LIMCH1: variants seen among roughly 807,000 people sequenced by gnomAD.
LIMCH1 encodes LIM and calponin homology domains 1, also known as LIM and calponin homology domains-containing protein 1.
Under a neutral mutation model 176.5 loss-of-function variants are expected in LIMCH1, and 113 were observed. The ratio of observed to expected loss-of-function variants is 0.64; its 90% confidence interval spans 0.55 to 0.75. The LOEUF (loss-of-function observed/expected upper bound fraction) is 0.75. Among genes scored for constraint, LIMCH1 ranks in the 30% least tolerant of loss-of-function variants. LIMCH1 has a pLI of 0.00. For missense variants in LIMCH1, 1,674 were observed against 1,814.9 expected (o/e 0.92, Z 1.41); for synonymous variants, 619 against 645.9 (o/e 0.96, Z 0.63).
At chr4:41,424,454 A>G (rs2060895617) in intron 1 of LIMCH1, among the ~76,000 whole-genome samples, 2 of 152,202 alleles carry the variant, frequency 1.3e-5, no homozygotes, top group African/African-American at 4.8e-5. Flanking sequence ...GTGGACCCTT[A>G]TCTGAAACTC....
chr4:41,364,204 T>A (rs2052610343), intron 1 of LIMCH1, among the ~76,000 whole-genome samples: 1 of 152,212 alleles, frequency 6.6e-6, no homozygotes, highest in African/African-American at 2.4e-5. Flanking sequence ...ATAGGAGTGC[T>A]GTCAGGATTA....
At chr4:41,454,135 C>T (rs753438642) in intron 1 of LIMCH1, among the ~76,000 whole-genome samples, 4 of 152,068 alleles carry the variant, frequency 2.6e-5, no homozygotes, top group East Asian at 1.9e-4. Flanking sequence ...CATTCTCTCC[C>T]GTAAGTGCCT....
chr4:41,554,457 A>C (rs548857087), intron 1 of LIMCH1, among the ~76,000 whole-genome samples: 1 of 152,276 alleles, frequency 6.6e-6, no homozygotes, highest in East Asian at 1.9e-4. Flanking sequence ...TCATTTTGTC[A>C]GTATTTCTTC....
At position 41,626,742 on chromosome 4, in the gene LIMCH1, C is replaced by T. The variant is rs990601885; in HGVS notation, c.760C>T (p.Arg254Cys). The change falls in exon 8 of 32, where the codon CGT becomes TGT. Residue 254 changes from arginine to cysteine, a missense_variant. Arg to Cys is a radical substitution (Grantham distance 180, BLOSUM62 -3). Coordinates refer to ENST00000503057, the MANE Select transcript of LIMCH1 (RefSeq NM_001330672.2). ...KQLSEEKEAI[R>C]DIVLRKENSF... ...ATTAAGTGAAGAGAAAGAAGCTATT[C>T]GTGATATTGTCCTTCGCAAAGAAAA... The T allele has an allele frequency of 1.3e-5, 20 of 1,536,120 alleles. No homozygotes were observed. The African/African-American group carries it at 1.6e-4, about 13-fold the overall frequency.
At chr4:41,404,041 A>G (rs1473189519) in intron 1 of LIMCH1, among the ~76,000 whole-genome samples, 1 of 152,210 alleles carries the variant, frequency 6.6e-6, no homozygotes, top group Admixed American at 6.5e-5. Context: ...TTATATGCAT[A>G]ATAGTGCATG....
At chr4:41,663,910 G>C (rs2094724856) in intron 20 of LIMCH1, among the ~76,000 whole-genome samples, 1 of 150,586 alleles carries the variant, frequency 6.6e-6, no homozygotes, top group Non-Finnish European at 1.5e-5. Context: ...GCATGGTGGT[G>C]AGTGCCTGTA....
At chr4:41,517,669 G>T (rs563824029) in intron 2 of LIMCH1, among the ~76,000 whole-genome samples, 1 of 151,908 alleles carries the variant, frequency 6.6e-6, no homozygotes, top group Non-Finnish European at 1.5e-5. Flanking sequence ...TATTTTAGTC[G>T]ATTTTTCTTG....
chr4:41,484,363 G>A (rs1182871228), intron 1 of LIMCH1, among the ~76,000 whole-genome samples: 3 of 152,156 alleles, frequency 2.0e-5, no homozygotes, highest in Admixed American at 2.0e-4. Context: ...GTAAATGATC[G>A]ATTGGTTGAT....
chr4:41,411,935 C>T lies in LIMCH1; in HGVS notation c.96+50999C>T, dbSNP rs534905727. Among the ~76,000 whole-genome samples, 13 of 111,408 alleles carry T rather than the reference C, an allele frequency of 1.2e-4. 2 individuals are homozygous for T. The highest frequency in any genetic ancestry group is 2.4e-4 in the African/African-American group (7 of 28,620). 73.1% of individuals were successfully genotyped at this position (111,408 alleles called of 152,430 possible). A position where few individuals can be genotyped will look rare whatever the true frequency, so the allele number is the denominator to read the frequency against. On this transcript the variant is annotated intron_variant, in intron 1 of 26. Transcript: ENST00000313860. ...TCTCTGCACTGCACTACAGCCTAGG[C>T]GACAGAGCGAGACTCCATCTCAAAA...
At chr4:41,644,408 G>A (rs2093968960) in intron 14 of LIMCH1, 92 bp from the exon 15 acceptor site, 1 of 1,391,092 alleles carries the variant, frequency 7.2e-7, no homozygotes, top group Non-Finnish European at 9.4e-7. Flanking sequence ...TCCAAGCCCG[G>A]TAGCGCCCCC....
At chr4:41,668,326 C>G (rs2094902706) in intron 21 of LIMCH1, among the ~76,000 whole-genome samples, 1 of 152,208 alleles carries the variant, frequency 6.6e-6, no homozygotes, top group African/African-American at 2.4e-5. Flanking sequence ...TTAAATTTGT[C>G]CGTCCTACTG....
chr4:41,662,879 A>G lies in LIMCH1; in HGVS notation c.3186A>G (p.Glu1062=). 6.2e-7 allele frequency: 1 copy of G among 1,614,052 alleles called. No individual in the cohort carries two copies. Among genetic ancestry groups the G allele is most frequent in the Non-Finnish European group, 8.5e-7 (1 of 1,179,982 alleles). ...GCAGCCCGACCGTGGCCTTTGTGGA[A>G]TTTCCCTCCAGCCCCCAGCTGAAGA... ...TRCSPTVAFV[E]FPSSPQLKND... is the part of the protein sequence containing the mutation. The change falls in exon 20 of 32, where the codon GAA becomes GAG. Residue 1062 remains glutamate, a synonymous_variant. Coordinates refer to ENST00000503057, the MANE Select transcript of LIMCH1 (RefSeq NM_001330672.2).
intron 4 of LIMCH1, among the ~76,000 whole-genome samples, chr4:41,610,588 A>T (rs1445151779): frequency 6.6e-6 from 1 of 152,168 alleles, no homozygotes; most frequent in Non-Finnish European, 1.5e-5. Context: ...TGTAACAGGC[A>T]TTTTTCTGAA....
chr4:41,451,489 C>T (rs1010046323), intron 1 of LIMCH1, among the ~76,000 whole-genome samples: 1 of 152,120 alleles, frequency 6.6e-6, no homozygotes, highest in African/African-American at 2.4e-5. Flanking sequence ...ACAGATCCCC[C>T]GTCCTGCTAT....
intron 1 of LIMCH1, among the ~76,000 whole-genome samples, chr4:41,396,923 G>A (rs1176000636): frequency 6.6e-6 from 1 of 151,926 alleles, no homozygotes; most frequent in Non-Finnish European, 1.5e-5. Context: ...TAAATAAAAA[G>A]TCAGCAAGCT....
intron 14 of LIMCH1, among the ~76,000 whole-genome samples, chr4:41,639,607 C>T (rs2093736509): frequency 6.6e-6 from 1 of 152,142 alleles, no homozygotes; most frequent in Non-Finnish European, 1.5e-5. Flanking sequence ...TACTCCACAT[C>T]CAAATTTGAG....
chr4:41,645,706 G>C (rs1462391195), intron 15 of LIMCH1, among the ~76,000 whole-genome samples: 1 of 152,024 alleles, frequency 6.6e-6, no homozygotes, highest in Non-Finnish European at 1.5e-5. Context: ...TTTCTGCCTT[G>C]ACTGCCTTCC....
chr4:41,577,621 G>T (rs544654600), intron 1 of LIMCH1, among the ~76,000 whole-genome samples: 1 of 152,042 alleles, frequency 6.6e-6, no homozygotes, highest in Admixed American at 6.6e-5. Flanking sequence ...GTAGAGATGG[G>T]GTCACCCTAT....
At chr4:41,454,373 A>G (rs2064269336) in intron 1 of LIMCH1, among the ~76,000 whole-genome samples, 1 of 152,060 alleles carries the variant, frequency 6.6e-6, no homozygotes, top group Admixed American at 6.6e-5. Flanking sequence ...TTCCACTTGC[A>G]CTCTGAAAAA....
Sources: gnomAD v4.1 joint callset for allele counts (sites outside exome capture counted in the v4.1 genomes callset) on GRCh38, gnomAD v4.1.1 for gene constraint, MANE v1.5 for transcripts, NCBI Gene and HGNC (gene_info 2026-07-23, HGNC 2026-07-21) for gene names.